Variants in GLIS3 observed in about 807,000 individuals in gnomAD.
The protein encoded by GLIS3 is GLIS family zinc finger 3, also known as zinc finger protein GLIS3.
Under a neutral mutation model 78.6 loss-of-function variants are expected in GLIS3, and 53 were observed. The ratio of observed to expected loss-of-function variants is 0.67; its 90% confidence interval spans 0.54 to 0.85. The LOEUF is 0.85. GLIS3 is among the 40% of genes least tolerant of loss of function. GLIS3 has a pLI of 0.00. For synonymous variants in GLIS3, 684 were observed against 509.9 expected, an observed-to-expected ratio of 1.34 and a Z score of -4.60; for missense variants, 1,703 against 1,231.1, an observed-to-expected ratio of 1.38 and a Z score of -5.74.
At chr9:4,028,071 T>C (rs926236741) in intron 4 of GLIS3, among the ~76,000 whole-genome samples, 2 of 152,122 alleles carry the variant, frequency 1.3e-5, no homozygotes, top group African/African-American at 4.8e-5. Context: ...CTGTAACTCA[T>C]TCATCCTTTA....
chr9:4,106,813 G>C (rs1007431282), intron 4 of GLIS3, among the ~76,000 whole-genome samples: 2 of 152,186 alleles, frequency 1.3e-5, no homozygotes, highest in African/African-American at 4.8e-5. Context: ...ATAATGAGCA[G>C]ATCTCCCTTA....
chr9:4,209,680 C>T lies in GLIS3; in HGVS notation c.388+76358G>A, dbSNP rs117236314. 4.3e-3 allele frequency among the ~76,000 whole-genome samples: 658 copies of T among 152,314 alleles called. 4 individuals are homozygous for T. The highest frequency in any genetic ancestry group is 7.5e-3 in the Non-Finnish European group (510 of 68,026). On this transcript the variant is annotated intron_variant, in intron 2 of 10. Coordinates refer to ENST00000381971, the MANE Select transcript of GLIS3 (RefSeq NM_001042413.2). ...CATAGAATTCCTATCATGTTCCTCT[C>T]TGCCAGGGTTTCTTAACGTCACTCC...
chr9:4,242,524 T>C (rs1823414319), intron 2 of GLIS3, among the ~76,000 whole-genome samples: 1 of 152,154 alleles, frequency 6.6e-6, no homozygotes, highest in South Asian at 2.1e-4. Context: ...GCATGACCAA[T>C]GCATACTATG....
At chr9:4,250,484 G>A (rs1319533338) in intron 2 of GLIS3, among the ~76,000 whole-genome samples, 3 of 151,984 alleles carry the variant, frequency 2.0e-5, no homozygotes, top group African/African-American at 7.2e-5. Context: ...TTTTTTTATT[G>A]TGTCTATTTG....
the GLIS3 span, among the ~76,000 whole-genome samples, chr9:4,483,842 T>A: frequency 2.0e-5 from 3 of 152,170 alleles, no homozygotes; most frequent in Non-Finnish European, 4.4e-5. Flanking sequence ...GAGCTGAATC[T>A]TTTTGTGCTT....
At chr9:4,234,874 G>C (rs1438416555) in intron 2 of GLIS3, among the ~76,000 whole-genome samples, 4 of 152,176 alleles carry the variant, frequency 2.6e-5, no homozygotes, top group African/African-American at 9.7e-5. Context: ...GGACCTCTTA[G>C]TCCAAGCTCT....
intron 2 of GLIS3, chr9:4,145,245 C>A (rs1038709900): frequency 7.2e-5 from 11 of 152,216 alleles, no homozygotes; most frequent in African/African-American, 2.7e-4. Context: ...GATCAGCCTA[C>A]TTACTCCTTG....
chr9:4,349,261 C>T (rs1470915914), upstream of GLIS3, among the ~76,000 whole-genome samples: 1 of 152,198 alleles, frequency 6.6e-6, no homozygotes, highest in Non-Finnish European at 1.5e-5. Flanking sequence ...ACTTGCAGAA[C>T]TGCAGACTAA....
At chr9:4,088,809 T>C (rs1249642494) in intron 4 of GLIS3, among the ~76,000 whole-genome samples, 1 of 152,248 alleles carries the variant, frequency 6.6e-6, no homozygotes, top group Non-Finnish European at 1.5e-5. Context: ...TCCCACATTT[T>C]AAAGCCAAGG....
intron 2 of GLIS3, among the ~76,000 whole-genome samples, chr9:4,241,892 C>G (rs114843761): frequency 0.017 from 2,519 of 152,266 alleles, 55 homozygotes; most frequent in African/African-American, 0.058. Flanking sequence ...CCATGTTGGC[C>G]AGGCTGTTCT....
intron 6 of GLIS3, among the ~76,000 whole-genome samples, chr9:3,929,622 G>GAGGC (rs1158894625): frequency 6.6e-6 from 1 of 152,148 alleles, no homozygotes; most frequent in Non-Finnish European, 1.5e-5. Flanking sequence ...AAGGGGATTA[G>GAGGC]AGGCAGGCAG....
At chr9:4,438,455 G>A in the GLIS3 span, among the ~76,000 whole-genome samples, 29 of 152,080 alleles carry the variant, frequency 1.9e-4, no homozygotes, top group African/African-American at 5.8e-4. Context: ...TTCTAAGGAG[G>A]GTGAGACAAG....
At chr9:4,020,106 A>C (rs1822759347) in intron 4 of GLIS3, among the ~76,000 whole-genome samples, 1 of 152,066 alleles carries the variant, frequency 6.6e-6, no homozygotes, top group Non-Finnish European at 1.5e-5. Flanking sequence ...GACGTCTGAG[A>C]AAAGCCTTGA....
At chr9:3,868,302 C>T (rs1277778896) in intron 8 of GLIS3, among the ~76,000 whole-genome samples, 1 of 152,138 alleles carries the variant, frequency 6.6e-6, no homozygotes, top group South Asian at 2.1e-4. Flanking sequence ...ACAAGTGAGA[C>T]CAAGTTATTG....
At chr9:3,959,625 G>A (rs373977676) in intron 4 of GLIS3, among the ~76,000 whole-genome samples, 3 of 152,136 alleles carry the variant, frequency 2.0e-5, no homozygotes, top group Non-Finnish European at 2.9e-5. Flanking sequence ...TTCCTAAAAC[G>A]CATAAAGCCC....
chr9:4,468,047 A>G, the GLIS3 span, among the ~76,000 whole-genome samples: 4 of 152,222 alleles, frequency 2.6e-5, no homozygotes, highest in Non-Finnish European at 4.4e-5. Flanking sequence ...CAGTGATTGA[A>G]GATCAAATTA....
intron 4 of GLIS3, among the ~76,000 whole-genome samples, chr9:4,032,379 G>A (rs1053168539): frequency 2.0e-5 from 3 of 152,084 alleles, no homozygotes; most frequent in Non-Finnish European, 2.9e-5. Context: ...TTTCACAGAA[G>A]TCTATAAAAA....
At chr9:4,259,613 T>G (rs1205204339) in intron 2 of GLIS3, among the ~76,000 whole-genome samples, 1 of 152,198 alleles carries the variant, frequency 6.6e-6, no homozygotes, top group Non-Finnish European at 1.5e-5. Flanking sequence ...GTTAAATGGG[T>G]GTGCTTTCAG....
chr9:4,021,616 G>A (rs1822891350), intron 4 of GLIS3, among the ~76,000 whole-genome samples: 1 of 152,110 alleles, frequency 6.6e-6, no homozygotes, highest in Admixed American at 6.5e-5. Flanking sequence ...GTTGAACACT[G>A]GTAGAACCTC....
Sources: allele counts gnomAD v4.1 joint callset (sites outside exome capture counted in the v4.1 genomes callset), GRCh38; gene constraint gnomAD v4.1.1; transcripts MANE v1.5; gene names NCBI Gene and HGNC (gene_info 2026-07-23, HGNC 2026-07-21).